Variants in RASA3 observed in about 807,000 individuals in gnomAD.
RASA3 encodes ras GTPase-activating protein 3.
A neutral mutation model predicts 110.0 loss-of-function variants in RASA3; 73 were observed. The ratio of observed to expected loss-of-function variants is 0.66; its 90% CI spans 0.55 to 0.81. The LOEUF (loss-of-function observed/expected upper bound fraction) is 0.81. Among genes scored for constraint, RASA3 ranks in the 30% least tolerant of loss-of-function variants. The pLI, the probability that RASA3 is intolerant of heterozygous loss-of-function variation, is 0.00. For synonymous variants in RASA3, 500 were observed against 451.4 expected, an observed-to-expected ratio of 1.11 and a Z score of -1.37; for missense variants, 976 against 1,113.2, an observed-to-expected ratio of 0.88 and a Z score of 1.75.
At chr13:114,043,550 C>G (rs1016797642) in intron 3 of RASA3, among the ~76,000 whole-genome samples, 1 of 152,146 alleles carries the variant, frequency 6.6e-6, no homozygotes, top group Non-Finnish European at 1.5e-5. Context: ...TAAGATCAGC[C>G]TGGTGACCTC....
chr13:114,005,093 G>C (rs1239448690), intron 18 of RASA3, among the ~76,000 whole-genome samples: 3 of 152,200 alleles, frequency 2.0e-5, no homozygotes, highest in Non-Finnish European at 2.9e-5. Flanking sequence ...TCTGGGACAC[G>C]TATTCGGAAT....
chr13:113,981,097 C>G (rs1054326304), intron 23 of RASA3, among the ~76,000 whole-genome samples: 1 of 152,214 alleles, frequency 6.6e-6, no homozygotes, highest in African/African-American at 2.4e-5. Flanking sequence ...GCCAGCCTAG[C>G]ACTTTACATA....
chr13:113,981,536 G>A (rs1013829097), intron 23 of RASA3, 139 bp downstream of exon 23: 9 of 926,626 alleles, frequency 9.7e-6, no homozygotes, highest in East Asian at 4.9e-5. Flanking sequence ...GTGCCAGCCC[G>A]GTGCAAGTGG....
At chr13:114,121,553 G>A (rs974502330) in intron 1 of RASA3, among the ~76,000 whole-genome samples, 22 of 152,198 alleles carry the variant, frequency 1.4e-4, no homozygotes, top group African/African-American at 5.3e-4. Context: ...ACATGTGCAT[G>A]TGTGCAAGCA....
Position 114,057,682 on chromosome 13 carries a change from G to C in RASA3, c.174-5527C>G, listed in dbSNP as rs1286133626. Among the ~76,000 whole-genome samples the C allele has an allele frequency of 3.9e-5, 6 of 152,162 alleles. No homozygotes were observed. Among genetic ancestry groups the C allele is most frequent in the Non-Finnish European group, 8.8e-5 (6 of 68,014 alleles). On this transcript the variant is annotated intron_variant, in intron 2 of 23. Coordinates refer to ENST00000334062, the MANE Select transcript of RASA3 (RefSeq NM_007368.4). The surrounding 1 kb of genome is among the most constrained non-coding windows in gnomAD (Gnocchi z 5.0). ...CTCCTGGAAGAATGTAAAACCCCCA[G>C]CTCAAGGAGGAGAGTGGAGGCGGTT...
At position 114,013,153 on chromosome 13, in the gene RASA3, G is replaced by A. The variant is rs1482563276; in HGVS notation, c.1501C>T (p.Pro501Ser). Residue 501 changes from proline to serine, a missense_variant, in exon 15 of 24, where the codon CCG becomes TCG. Physicochemically the swap from Pro to Ser is moderately conservative, Grantham distance 74. Coordinates refer to ENST00000334062, the MANE Select transcript of RASA3 (RefSeq NM_007368.4). ...AGCCGGTCACTCACCGTGTGGTGCG[G>A]CGTGAGCTGGAAGAGGTTGGGGGAG... The part of the protein sequence containing the change: ...ILSPNLFQLT[P>S]HHTDPQTSRT... The A allele has an allele frequency of 1.2e-6, 2 of 1,612,874 alleles. No individual in the cohort carries two copies. Among genetic ancestry groups the A allele is most frequent in the Middle Eastern group, 1.7e-4 (1 of 6,048 alleles).
intron 4 of RASA3, 73 bp downstream of exon 4, chr13:114,040,927 C>T (rs558305978): frequency 9.3e-5 from 131 of 1,411,006 alleles, no homozygotes; most frequent in Non-Finnish European, 1.1e-4. Flanking sequence ...TAGCCACAGT[C>T]GGAGCCGGGC....
At chr13:114,032,550 G>A (rs539684237) in intron 4 of RASA3, among the ~76,000 whole-genome samples, 21 of 152,176 alleles carry the variant, frequency 1.4e-4, no homozygotes, top group African/African-American at 4.8e-4. Context: ...TGCACACCCC[G>A]AAGCCCCTGG....
chr13:114,020,207 T>C (rs187707440), intron 9 of RASA3, among the ~76,000 whole-genome samples: 13 of 62,924 alleles, frequency 2.1e-4, no homozygotes, highest in Non-Finnish European at 3.7e-4. Flanking sequence ...GTGGAGCCTG[T>C]GTCCGAGGCA....
intron 1 of RASA3, among the ~76,000 whole-genome samples, chr13:114,100,592 C>A (rs1256193133): frequency 2.0e-5 from 3 of 152,230 alleles, no homozygotes; most frequent in Non-Finnish European, 2.9e-5. Context: ...CAGCAGCCGG[C>A]CCTAGCAGTT....
At chr13:114,119,713 G>A (rs57486455) in intron 1 of RASA3, among the ~76,000 whole-genome samples, 7 of 6,872 alleles carry the variant, frequency 1.0e-3, no homozygotes, top group Admixed American at 1.4e-3. Flanking sequence ...CTCCAGCCAG[G>A]CGTCGATCAG....
chr13:114,119,658 CCCCT>C, intron 1 of RASA3, among the ~76,000 whole-genome samples: 1 of 69,472 alleles, frequency 1.4e-5, no homozygotes, highest in African/African-American at 5.5e-5. Flanking sequence ...ATCAAGTCCC[CCCCT>C]TCTCTCCAGC....
At chr13:114,075,690 C>A (rs55840641) in intron 1 of RASA3, among the ~76,000 whole-genome samples, 3 of 56,622 alleles carry the variant, frequency 5.3e-5, no homozygotes, top group East Asian at 1.7e-3. Context: ...CGTATCTCTG[C>A]GTGTGGAGGC....
At chr13:114,012,235 C>T (rs2053650152) in intron 15 of RASA3, among the ~76,000 whole-genome samples, 1 of 151,928 alleles carries the variant, frequency 6.6e-6, no homozygotes, top group African/African-American at 2.4e-5. Context: ...CTCGACTCCC[C>T]CAGAACGTAC....
intron 13 of RASA3, 110 bp from the exon 14 acceptor site, chr13:114,015,442 AG>A: frequency 7.1e-7 from 1 of 1,407,660 alleles, no homozygotes; most frequent in South Asian, 1.3e-5. Context: ...GGGCGGGCGC[AG>A]GGCAGCTGCG....
In RASA3 at chr13:114,013,191, G is replaced by A. The variant is rs986093149; in HGVS notation, c.1463C>T (p.Ala488Val). ...VSSFIFLRFF[A>V]PAILSPNLFQ... ...GAGGTTGGGGGAGAGAATGGCGGGC[G>A]CAAAGAACCTCAGGAAGATGAAGCT... The change falls in exon 15 of 24, where the codon GCG becomes GTG. Residue 488 changes from alanine (A) to valine (V), a missense_variant. Physicochemically the swap from Ala to Val is moderately conservative, Grantham distance 64 (BLOSUM62 0). This residue lies in a region of RASA3 where 732 missense variants were observed against 779.7 expected (regional missense o/e 0.94). Coordinates refer to ENST00000334062, the MANE Select transcript of RASA3 (RefSeq NM_007368.4). 4 of 1,613,100 alleles carry A rather than the reference G, an allele frequency of 2.5e-6. No individual in the cohort carries two copies. Among genetic ancestry groups the A allele is most frequent in the Admixed American group, 1.7e-5 (1 of 59,906 alleles).
chr13:113,980,962 T>C (rs974760186), intron 23 of RASA3, among the ~76,000 whole-genome samples: 2 of 152,106 alleles, frequency 1.3e-5, no homozygotes, highest in African/African-American at 4.8e-5. Flanking sequence ...GCTGTACAGC[T>C]ACACAGGGCT....
rs928107244 is a variant in RASA3 at position 114,114,185 on chromosome 13, G to T, written c.55+18250C>A. Among the ~76,000 whole-genome samples the T allele has an allele frequency of 2.0e-5, 3 of 152,248 alleles. No homozygotes were observed. The highest frequency in any genetic ancestry group is 7.2e-5 in the African/African-American group (3 of 41,468). ...CCACCCCACCACGGTGAGCGTCTGC[G>T]ATGTCCGTGCAGGGGAGAGAGACCT... On this transcript the variant is annotated intron_variant, in intron 1 of 23. Transcript: ENST00000334062. This position sits in a 1 kb window ranked among gnomAD's most constrained non-coding sequence, Gnocchi z 4.8.
chr13:113,995,958 C>T (rs3892257), intron 21 of RASA3, among the ~76,000 whole-genome samples: 14,526 of 15,984 alleles, frequency 0.91, 7,131 homozygotes, highest in Middle Eastern at 1. Flanking sequence ...ATGGGGGGCC[C>T]GGCTGATGGG....
Sources: allele counts gnomAD v4.1 joint callset (sites outside exome capture counted in the v4.1 genomes callset), GRCh38; gene constraint gnomAD v4.1.1; regional missense constraint gnomAD v4.1.1; non-coding constraint Gnocchi (gnomAD v3.1); transcripts MANE v1.5; gene names NCBI Gene and HGNC (gene_info 2026-07-23, HGNC 2026-07-21).